The following RASAL2 variants were observed in gnomAD, a reference collection of about 807,000 sequenced individuals.
RASAL2 encodes RAS protein activator like 2.
RASAL2 carries 58 observed loss-of-function variants against 128.9 expected under a neutral mutation model. That is an observed-to-expected ratio of 0.45 (90% CI 0.36 to 0.56). The LOEUF is 0.56. Among genes scored for constraint, RASAL2 ranks in the 20% least tolerant of loss-of-function variants. The pLI is 0.00. For missense variants in RASAL2, 1,360 were observed against 1,601.6 expected (o/e 0.85, Z 2.57); for synonymous variants, 561 against 580.8 (o/e 0.97, Z 0.49).
At chr1:178,095,772 C>CTA (rs1385799865) in intron 1 of RASAL2, among the ~76,000 whole-genome samples, 1 of 152,126 alleles carries the variant, frequency 6.6e-6, no homozygotes, top group East Asian at 1.9e-4. Context: ...GATCATAGAA[C>CTA]TAGGAGTCCA....
intron 3 of RASAL2, among the ~76,000 whole-genome samples, chr1:178,350,587 T>G (rs959237932): frequency 6.6e-6 from 1 of 152,104 alleles, no homozygotes; most frequent in Non-Finnish European, 1.5e-5. Flanking sequence ...GGTTCTCTGC[T>G]CAGGGCCAAA....
intron 1 of RASAL2, among the ~76,000 whole-genome samples, chr1:178,223,011 AT>A (rs1030037662): frequency 1.3e-5 from 2 of 152,260 alleles, no homozygotes; most frequent in African/African-American, 4.8e-5. Context: ...CATGATCTGT[AT>A]TTTGATGTAA....
chr1:178,371,895 G>A (rs747343731), intron 3 of RASAL2, among the ~76,000 whole-genome samples: 7 of 151,792 alleles, frequency 4.6e-5, no homozygotes, highest in Middle Eastern at 3.4e-3. Flanking sequence ...CTTTATTTTC[G>A]TATGATTTTT....
rs566083635 is a variant in RASAL2 at position 178,409,963 on chromosome 1, G to A, written c.565-10548G>A. On this transcript the variant is annotated intron_variant, in intron 4 of 17. Transcript: ENST00000367649. ...CTATGTGGTCTTCCTAAAGAGCTTCGTCATGGCACCAGGAAGATTGACTTA... is the reference window on the plus strand; with the variant it reads ...CTATGTGGTCTTCCTAAAGAGCTTCATCATGGCACCAGGAAGATTGACTTA... 2.0e-5 allele frequency among the ~76,000 whole-genome samples: 3 copies of A among 152,310 alleles called. No homozygotes were observed. The South Asian group carries it at 6.2e-4, about 32-fold the overall frequency.
At chr1:178,405,671 A>G (rs1175897573) in intron 4 of RASAL2, among the ~76,000 whole-genome samples, 1 of 152,224 alleles carries the variant, frequency 6.6e-6, no homozygotes, top group African/African-American at 2.4e-5. Flanking sequence ...AGACCTGCTG[A>G]CACTTTGATT....
At position 178,467,335 on chromosome 1, in the gene RASAL2, C is replaced by T; in HGVS notation, c.3592C>T (p.Leu1198=). 1.2e-6 allele frequency: 2 copies of T among 1,613,186 alleles called. No individual in the cohort carries two copies. The highest frequency in any genetic ancestry group is 1.7e-6 in the Non-Finnish European group (2 of 1,179,122). Residue 1198 remains leucine (L), a splice_region_variant and synonymous_variant, in exon 17 of 18, where the codon CTA becomes TTA. Transcript: ENST00000367649. ...DSQMKSIISR[L]MAVEEELKKD... ...TATTTCCTTCCTGCCACATTCTAGG[C>T]TAATGGCTGTGGAAGAGGAACTGAA...
At chr1:178,408,619 G>GTTTTTTTTTTTTTTTTTTTTT (rs1012370223) in intron 4 of RASAL2, among the ~76,000 whole-genome samples, 2 of 143,252 alleles carry the variant, frequency 1.4e-5, no homozygotes, top group African/African-American at 5.6e-5. Context: ...TTTGTTTTTT[G>GTTTTTTTTTTTTTTTTTTTTT]TTTTTTGTTT....
intron 1 of RASAL2, among the ~76,000 whole-genome samples, chr1:178,205,796 A>G (rs1448120736): frequency 3.9e-5 from 6 of 152,090 alleles, no homozygotes; most frequent in Admixed American, 2.0e-4. Context: ...CTGCTGCCTT[A>G]CATTAGATCA....
chr1:178,367,486 C>T (rs1671464990), intron 3 of RASAL2, among the ~76,000 whole-genome samples: 1 of 152,104 alleles, frequency 6.6e-6, no homozygotes, highest in African/African-American at 2.4e-5. Context: ...TATTTCTCTT[C>T]CCCATAAAAT....
intron 1 of RASAL2, among the ~76,000 whole-genome samples, chr1:178,112,645 C>T (rs985768723): frequency 1.1e-4 from 17 of 151,038 alleles, no homozygotes; most frequent in African/African-American, 3.9e-4. Context: ...AGTAAACTAT[C>T]GCAAGAACAA....
At chr1:178,174,152 G>T (rs1023911165) in intron 1 of RASAL2, among the ~76,000 whole-genome samples, 4 of 151,912 alleles carry the variant, frequency 2.6e-5, no homozygotes, top group African/African-American at 9.7e-5. Flanking sequence ...TATGAAAAAC[G>T]TATTAGCATA....
chr1:178,358,779 T>A (rs960146425), intron 3 of RASAL2, among the ~76,000 whole-genome samples: 3 of 152,152 alleles, frequency 2.0e-5, no homozygotes, highest in African/African-American at 7.2e-5. Context: ...TTCCTATGTA[T>A]ATACCAAAGA....
At chr1:178,108,714 T>C (rs943526010) in intron 1 of RASAL2, among the ~76,000 whole-genome samples, 6 of 152,242 alleles carry the variant, frequency 3.9e-5, no homozygotes, top group Admixed American at 2.0e-4. Context: ...GTATGATGTT[T>C]GTTAATTTGT....
In RASAL2 at chr1:178,310,480, A is replaced by C. The variant is rs544900720; in HGVS notation, c.457+10362A>C. On this transcript the variant is annotated intron_variant, in intron 3 of 17. Transcript: ENST00000367649. ...ACTGACATGAATAAAATAAAAAAAA[A>C]CTAGTACTTAAGTTCTCAAGCTAAC... 1.8e-4 allele frequency among the ~76,000 whole-genome samples: 28 copies of C among 152,260 alleles called. No individual in the cohort carries two copies. In the East Asian group the frequency reaches 4.1e-3, roughly 22 times the overall value.
intron 1 of RASAL2, among the ~76,000 whole-genome samples, chr1:178,137,189 T>TA (rs1660357156): frequency 6.6e-6 from 1 of 152,190 alleles, no homozygotes; most frequent in Non-Finnish European, 1.5e-5. Flanking sequence ...ATCTAATGTT[T>TA]ATTAGTTTCA....
At chr1:178,445,402 T>G in intron 8 of RASAL2, 116 bp from the exon 9 acceptor site, 1 of 1,204,364 alleles carries the variant, frequency 8.3e-7, no homozygotes, top group Middle Eastern at 2.2e-4. Context: ...TTCAGATGAA[T>G]CTGATAGCTT....
intron 1 of RASAL2, among the ~76,000 whole-genome samples, chr1:178,179,865 A>G (rs1304975737): frequency 6.6e-6 from 1 of 152,234 alleles, no homozygotes; most frequent in Non-Finnish European, 1.5e-5. Flanking sequence ...TAGATAATAA[A>G]TAACAATCTT....
intron 5 of RASAL2, among the ~76,000 whole-genome samples, chr1:178,436,542 A>G (rs1676266124): frequency 6.6e-6 from 1 of 152,102 alleles, no homozygotes; most frequent in African/African-American, 2.4e-5. Context: ...TAAGCCAGGT[A>G]AGTTTCAGTA....
At chr1:178,216,552 T>C (rs1356121724) in intron 1 of RASAL2, among the ~76,000 whole-genome samples, 1 of 152,246 alleles carries the variant, frequency 6.6e-6, no homozygotes, top group Non-Finnish European at 1.5e-5. Flanking sequence ...TAACATTCCT[T>C]ACCTACCCAG....
Sources: allele counts gnomAD v4.1 joint callset (sites outside exome capture counted in the v4.1 genomes callset), GRCh38; gene constraint gnomAD v4.1.1; transcripts MANE v1.5; gene names NCBI Gene and HGNC (gene_info 2026-07-23, HGNC 2026-07-21).